The following LHFPL3 variants were observed in gnomAD, a reference collection of about 807,000 sequenced individuals.
The protein encoded by LHFPL3 is LHFPL tetraspan subfamily member 3 protein.
Under a neutral mutation model 19.3 loss-of-function variants are expected in LHFPL3, and 5 were observed. That is an observed-to-expected ratio of 0.26 (90% confidence interval 0.14 to 0.54). The LOEUF (loss-of-function observed/expected upper bound fraction) is 0.54. LHFPL3 is among the 20% of genes least tolerant of loss of function. The pLI, the probability that LHFPL3 is intolerant of heterozygous loss-of-function variation, is 0.94. For missense variants in LHFPL3, 249 were observed against 307.4 expected (o/e 0.81, Z 1.42); for synonymous variants, 133 against 126.2 (o/e 1.05, Z -0.36).
chr7:104,369,969 A>G lies in LHFPL3; in HGVS notation c.445+40745A>G, dbSNP rs372453095. The stretch of plus-strand genomic sequence containing the variant: ...CAAGTTATAGCTGGTCTTTTCACAC[A>G]TCAATTAATTTAACAAAAATAATGT... On this transcript the variant is annotated intron_variant, in intron 1 of 2. Coordinates refer to ENST00000424859, the MANE Select transcript of LHFPL3 (RefSeq NM_199000.3). Among the ~76,000 whole-genome samples, 8 of 152,348 alleles carry G rather than the reference A, an allele frequency of 5.3e-5. No homozygotes were observed. The East Asian group carries it at 1.2e-3, about 22-fold the overall frequency.
intron 2 of LHFPL3, among the ~76,000 whole-genome samples, chr7:104,837,825 T>C (rs1791126779): frequency 6.6e-6 from 1 of 152,208 alleles, no homozygotes; most frequent in African/African-American, 2.4e-5. Flanking sequence ...TGCCATTGCT[T>C]ACTTATTTTA....
intron 1 of LHFPL3, among the ~76,000 whole-genome samples, chr7:104,729,567 C>A (rs1056406436): frequency 6.6e-6 from 1 of 152,014 alleles, no homozygotes; most frequent in Admixed American, 6.6e-5. Flanking sequence ...TATTTTACTC[C>A]ACTTCTATGA....
At chr7:104,866,158 C>T (rs1462213290) in intron 2 of LHFPL3, among the ~76,000 whole-genome samples, 2 of 152,180 alleles carry the variant, frequency 1.3e-5, no homozygotes, top group Non-Finnish European at 2.9e-5. Flanking sequence ...TAGGAAGAAA[C>T]TGCGTCAACT....
intron 2 of LHFPL3, among the ~76,000 whole-genome samples, chr7:104,860,887 G>T (rs10250365): frequency 0.12 from 18,486 of 152,084 alleles, 2,408 homozygotes; most frequent in East Asian, 0.43. Context: ...CAGCCCCAAG[G>T]AGACAGGAGA....
intron 1 of LHFPL3, among the ~76,000 whole-genome samples, chr7:104,549,966 G>A (rs930871104): frequency 2.0e-5 from 3 of 152,166 alleles, no homozygotes; most frequent in Non-Finnish European, 2.9e-5. Context: ...AATAGGATGT[G>A]TGTACAGAGG....
At chr7:104,762,264 G>A (rs1794383890) in intron 2 of LHFPL3, among the ~76,000 whole-genome samples, 1 of 152,170 alleles carries the variant, frequency 6.6e-6, no homozygotes, top group South Asian at 2.1e-4. Flanking sequence ...CAAGTGACGA[G>A]AAAAAGGAAA....
intron 2 of LHFPL3, among the ~76,000 whole-genome samples, chr7:104,840,787 G>C (rs1434567944): frequency 6.6e-6 from 1 of 152,046 alleles, no homozygotes; most frequent in Non-Finnish European, 1.5e-5. Context: ...CCAGGGTTTA[G>C]TGAAAATCAC....
intron 1 of LHFPL3, among the ~76,000 whole-genome samples, chr7:104,711,738 G>T (rs560938235): frequency 6.6e-6 from 1 of 152,126 alleles, no homozygotes; most frequent in Non-Finnish European, 1.5e-5. Flanking sequence ...ATCAAGAAAC[G>T]AGACAGAACC....
chr7:104,349,876 G>A (rs1050527844), intron 1 of LHFPL3, among the ~76,000 whole-genome samples: 5 of 151,908 alleles, frequency 3.3e-5, no homozygotes, highest in Admixed American at 6.6e-5. Flanking sequence ...TTTTTAATAC[G>A]TTAGATTGGT....
At chr7:104,881,130 A>G (rs892711143) in intron 2 of LHFPL3, among the ~76,000 whole-genome samples, 115 of 146,346 alleles carry the variant, frequency 7.9e-4, no homozygotes, top group African/African-American at 2.8e-3. Context: ...GGATAGCACC[A>G]CTGCACTCCA....
chr7:104,679,109 C>T (rs1276388186), intron 1 of LHFPL3, among the ~76,000 whole-genome samples: 1 of 152,226 alleles, frequency 6.6e-6, no homozygotes, highest in African/African-American at 2.4e-5. Flanking sequence ...AGTTCTAGCT[C>T]AAGGTCTCTC....
chr7:104,869,025 G>A (rs1419131192), intron 2 of LHFPL3, among the ~76,000 whole-genome samples: 1 of 152,196 alleles, frequency 6.6e-6, no homozygotes, highest in African/African-American at 2.4e-5. Context: ...CTAGCCATAT[G>A]TAGAAAGCTG....
At chr7:104,366,545 G>T (rs7792560) in intron 1 of LHFPL3, among the ~76,000 whole-genome samples, 49,353 of 152,028 alleles carry the variant, frequency 0.32, 8,165 homozygotes, top group East Asian at 0.46. Context: ...TAATGCAGAG[G>T]AGGTGACCTA....
intron 1 of LHFPL3, among the ~76,000 whole-genome samples, chr7:104,548,875 G>T (rs948871189): frequency 6.6e-5 from 10 of 152,150 alleles, no homozygotes; most frequent in African/African-American, 2.4e-4. Context: ...CCTTCAGCCT[G>T]GCTCCCTGCA....
chr7:104,453,913 A>G (rs1792492914), intron 1 of LHFPL3, among the ~76,000 whole-genome samples: 1 of 152,146 alleles, frequency 6.6e-6, no homozygotes, highest in Non-Finnish European at 1.5e-5. Flanking sequence ...GCCTCCCTGG[A>G]AGCAGAGCAG....
At chr7:104,405,757 G>T (rs1017065932) in intron 1 of LHFPL3, among the ~76,000 whole-genome samples, 2 of 152,040 alleles carry the variant, frequency 1.3e-5, no homozygotes, top group African/African-American at 2.4e-5. Context: ...TCAGAGCTTT[G>T]GGGAAAAACA....
At chr7:104,885,941 T>C (rs1792139009) in intron 2 of LHFPL3, among the ~76,000 whole-genome samples, 3 of 152,236 alleles carry the variant, frequency 2.0e-5, no homozygotes, top group African/African-American at 7.2e-5. Context: ...CTGCTTTTGC[T>C]GAAGCCTCCA....
At position 104,852,761 on chromosome 7, in the gene LHFPL3, A is replaced by G. The variant is rs376851013; in HGVS notation, c.683-53426A>G. ...CTTTGAATGTGTGTTTTGTAAGTGA[A>G]CTCTGATGGGACAGTGAGCTACTGG... On this transcript the variant is annotated intron_variant, in intron 2 of 2. Transcript: ENST00000424859. Among the ~76,000 whole-genome samples, 29 of 152,238 alleles carry G rather than the reference A, an allele frequency of 1.9e-4. No homozygotes were observed. In the East Asian group the frequency reaches 3.1e-3, roughly 16 times the overall value.
intron 1 of LHFPL3, among the ~76,000 whole-genome samples, chr7:104,474,345 T>A (rs886788386): frequency 6.6e-6 from 1 of 152,114 alleles, no homozygotes; most frequent in African/African-American, 2.4e-5. Context: ...GACACTGTGT[T>A]AGGCCTAAGG....
Sources: allele counts gnomAD v4.1 joint callset (sites outside exome capture counted in the v4.1 genomes callset), GRCh38; gene constraint gnomAD v4.1.1; transcripts MANE v1.5; gene names NCBI Gene and HGNC (gene_info 2026-07-23, HGNC 2026-07-21).